The following CDH12 variants were observed in gnomAD, a reference collection of about 807,000 sequenced individuals.
CDH12 encodes cadherin-12.
CDH12 carries 41 observed loss-of-function variants against 74.1 expected under a neutral mutation model. That is an observed-to-expected ratio of 0.55 (90% CI 0.43 to 0.72). The LOEUF (loss-of-function observed/expected upper bound fraction) is 0.72. Ranked by LOEUF, CDH12 falls within the 30% of genes least tolerant of loss-of-function variation. The probability of loss-of-function intolerance (pLI) is 0.00; values close to 1 mark genes in which losing one functional copy is unlikely to be tolerated. For missense variants in CDH12, 945 were observed against 977.2 expected (o/e 0.97, Z 0.44); for synonymous variants, 399 against 355.0 (o/e 1.12, Z -1.39).
chr5:22,830,491 G>A (rs1029563865), intron 1 of CDH12, among the ~76,000 whole-genome samples: 1 of 151,716 alleles, frequency 6.6e-6, no homozygotes, highest in African/African-American at 2.4e-5. Flanking sequence ...CTAATGATCT[G>A]TTATAATTAA....
At chr5:22,176,561 T>C (rs1749348615) in intron 4 of CDH12, among the ~76,000 whole-genome samples, 1 of 152,120 alleles carries the variant, frequency 6.6e-6, no homozygotes, top group Non-Finnish European at 1.5e-5. Flanking sequence ...TCTATTCCAA[T>C]AGCAGAGTCT....
At chr5:22,303,932 A>G (rs749487193) in intron 3 of CDH12, among the ~76,000 whole-genome samples, 1 of 152,186 alleles carries the variant, frequency 6.6e-6, no homozygotes, top group Non-Finnish European at 1.5e-5. Context: ...AATATATTTT[A>G]GGATCATATT....
intron 3 of CDH12, among the ~76,000 whole-genome samples, chr5:22,365,297 T>G (rs1740983015): frequency 6.6e-6 from 1 of 152,198 alleles, no homozygotes; most frequent in South Asian, 2.1e-4. Context: ...AAAATGGGTG[T>G]AGTTAATAAA....
intron 6 of CDH12, among the ~76,000 whole-genome samples, chr5:21,920,028 T>A (rs991015370): frequency 1.3e-5 from 2 of 152,216 alleles, no homozygotes; most frequent in Non-Finnish European, 2.9e-5. Flanking sequence ...TTACTTTGTT[T>A]CTTATTTCAT....
rs879196940 is a variant in CDH12, at chr5:21,883,256, G to A, written c.527-28466C>T. 3.1e-4 allele frequency: 417 copies of A among 1,353,992 alleles called. 3 individuals are homozygous for A. Among genetic ancestry groups the A allele is most frequent in the Non-Finnish European group, 8.9e-5 (84 of 943,302 alleles). The allele number at this position is 1,353,992 out of a possible 1,614,324, so 83.9% of individuals were successfully genotyped here. ...TTGAAGGCATGAAGTTTGATTGAGGGTATATTTCTCCATACTTTATTAATA... is the reference window on the plus strand; with the variant it reads ...TTGAAGGCATGAAGTTTGATTGAGGATATATTTCTCCATACTTTATTAATA... On this transcript the variant is annotated intron_variant, in intron 6 of 14. Coordinates refer to ENST00000382254, the MANE Select transcript of CDH12 (RefSeq NM_004061.5).
intron 5 of CDH12, among the ~76,000 whole-genome samples, chr5:21,986,572 G>A (rs1371909886): frequency 6.6e-6 from 1 of 152,124 alleles, no homozygotes; most frequent in Non-Finnish European, 1.5e-5. Context: ...TATTTCACAA[G>A]CTGGGTTTTA....
chr5:21,837,576 A>G (rs750611792), intron 8 of CDH12, among the ~76,000 whole-genome samples: 1 of 151,824 alleles, frequency 6.6e-6, no homozygotes, highest in African/African-American at 2.4e-5. Flanking sequence ...TGACTTCCAC[A>G]TTGAAAAGGA....
At chr5:22,435,319 T>C (rs1308040068) in intron 2 of CDH12, among the ~76,000 whole-genome samples, 1 of 151,944 alleles carries the variant, frequency 6.6e-6, no homozygotes, top group Non-Finnish European at 1.5e-5. Flanking sequence ...ACTGGCTTCC[T>C]TGTTCTTCAT....
chr5:22,355,533 T>C (rs995940461), intron 3 of CDH12, among the ~76,000 whole-genome samples: 4 of 149,424 alleles, frequency 2.7e-5, no homozygotes, highest in East Asian at 3.9e-4. Context: ...AATATATATA[T>C]ATATATATAA....
intron 3 of CDH12, among the ~76,000 whole-genome samples, chr5:22,283,056 G>A (rs929316272): frequency 5.9e-5 from 9 of 151,902 alleles, no homozygotes; most frequent in Admixed American, 3.3e-4. Context: ...ATACTATGCA[G>A]CCATAAAACA....
chr5:21,928,932 G>T (rs956214838), intron 6 of CDH12, among the ~76,000 whole-genome samples: 4 of 151,988 alleles, frequency 2.6e-5, no homozygotes, highest in African/African-American at 9.7e-5. Flanking sequence ...TTGGGTCTTT[G>T]ATCATTCTTG....
chr5:21,984,151 G>A (rs1251274949), intron 5 of CDH12, among the ~76,000 whole-genome samples: 1 of 152,050 alleles, frequency 6.6e-6, no homozygotes, highest in Non-Finnish European at 1.5e-5. Context: ...GAGTTTTTGA[G>A]TTGTATTTAT....
chr5:22,544,127 A>C (rs560632282), intron 1 of CDH12, among the ~76,000 whole-genome samples: 1 of 151,604 alleles, frequency 6.6e-6, no homozygotes, highest in Admixed American at 6.6e-5. Context: ...TTGGTGCATC[A>C]TTTACTTTTT....
At chr5:21,880,679 C>CTTTCTTTCTTTCTTTA (rs1752297837) in intron 6 of CDH12, among the ~76,000 whole-genome samples, 2 of 110,440 alleles carry the variant, frequency 1.8e-5, no homozygotes, top group African/African-American at 6.5e-5. Flanking sequence ...TTCTTTCTTT[C>CTTTCTTTCTTTCTTTA]TTTCTTTCTT....
At chr5:22,739,958 G>A (rs1373306795) in intron 1 of CDH12, among the ~76,000 whole-genome samples, 3 of 152,036 alleles carry the variant, frequency 2.0e-5, no homozygotes, top group Non-Finnish European at 2.9e-5. Context: ...CAGAATAAAT[G>A]ACATTAAATT....
intron 3 of CDH12, among the ~76,000 whole-genome samples, chr5:22,339,882 TTAA>T (rs763046848): frequency 6.6e-6 from 1 of 152,218 alleles, no homozygotes; most frequent in Non-Finnish European, 1.5e-5. Flanking sequence ...AATTGTTTTC[TTAA>T]TAATGTGTTG....
At chr5:21,916,270 A>G (rs1754089290) in intron 6 of CDH12, among the ~76,000 whole-genome samples, 1 of 152,154 alleles carries the variant, frequency 6.6e-6, no homozygotes, top group Non-Finnish European at 1.5e-5. Flanking sequence ...AAACTTGGCA[A>G]TTAGTGTTAT....
At chr5:22,805,398 A>T (rs1748731546) in intron 1 of CDH12, among the ~76,000 whole-genome samples, 1 of 152,076 alleles carries the variant, frequency 6.6e-6, no homozygotes, top group Non-Finnish European at 1.5e-5. Flanking sequence ...TGAAATAAAT[A>T]CCTCAAGGAA....
intron 1 of CDH12, among the ~76,000 whole-genome samples, chr5:22,565,835 A>G (rs145967745): frequency 2.0e-4 from 30 of 152,258 alleles, no homozygotes; most frequent in African/African-American, 7.0e-4. Flanking sequence ...GTTATTTTAT[A>G]TGTATTTTAA....
Sources: allele counts gnomAD v4.1 joint callset (sites outside exome capture counted in the v4.1 genomes callset), GRCh38; gene constraint gnomAD v4.1.1; transcripts MANE v1.5; gene names NCBI Gene and HGNC (gene_info 2026-07-23, HGNC 2026-07-21).